The following EYS variants were observed in gnomAD, a reference collection of about 807,000 sequenced individuals.
The protein encoded by EYS is EGF-like photoreceptor maintenance factor, also known as protein eyes shut homolog.
Under a neutral mutation model 282.1 loss-of-function variants are expected in EYS, and 250 were observed. The ratio of observed to expected loss-of-function variants is 0.89; its 90% confidence interval spans 0.80 to 0.98. The LOEUF (loss-of-function observed/expected upper bound fraction) is 0.98, where lower values mean the gene tolerates loss of function less well. Ranked by LOEUF, EYS falls within the 50% of genes least tolerant of loss-of-function variation. The pLI is 0.00. For synonymous variants in EYS, 1,355 were observed against 1,282.9 expected (o/e 1.06, Z -1.20); for missense variants, 4,016 against 3,709.0 (o/e 1.08, Z -2.15).
chr6:64,263,861 A>G (rs1289512490), intron 30 of EYS, among the ~76,000 whole-genome samples: 1 of 152,170 alleles, frequency 6.6e-6, no homozygotes, highest in Non-Finnish European at 1.5e-5. Flanking sequence ...ACAAAGCAAC[A>G]TCTTCTCTCA....
intron 22 of EYS, among the ~76,000 whole-genome samples, chr6:64,787,666 T>A (rs2149998119): frequency 6.6e-6 from 1 of 150,406 alleles, no homozygotes; most frequent in Admixed American, 6.6e-5. Flanking sequence ...ATATTAAGAA[T>A]CAGATGTAAA....
chr6:64,577,166 G>A (rs1200429381), intron 26 of EYS, among the ~76,000 whole-genome samples: 1 of 152,088 alleles, frequency 6.6e-6, no homozygotes, highest in Non-Finnish European at 1.5e-5. Flanking sequence ...TTTTAGTACA[G>A]CTAGACTCCA....
At chr6:65,006,464 G>A (rs990071564) in intron 13 of EYS, among the ~76,000 whole-genome samples, 57 of 121,184 alleles carry the variant, frequency 4.7e-4, no homozygotes, top group African/African-American at 1.4e-3. Context: ...AGGAAACCTC[G>A]TTGTGAGCAC....
intron 26 of EYS, among the ~76,000 whole-genome samples, chr6:64,485,505 A>G (rs1776555052): frequency 6.6e-6 from 1 of 151,502 alleles, no homozygotes. Context: ...CTATTCATTG[A>G]TCCAAACCAA....
At chr6:63,887,061 A>G (rs1773277731) in intron 35 of EYS, among the ~76,000 whole-genome samples, 1 of 152,214 alleles carries the variant, frequency 6.6e-6, no homozygotes, top group African/African-American at 2.4e-5. Context: ...TTATTAGAAA[A>G]GCATGCAAAC....
chr6:63,976,016 A>G (rs1766819907), intron 35 of EYS, among the ~76,000 whole-genome samples: 1 of 152,032 alleles, frequency 6.6e-6, no homozygotes, highest in African/African-American at 2.4e-5. Flanking sequence ...GTACCAAAGC[A>G]TGTTCTGAAT....
chr6:64,894,295 T>C (rs952837515), intron 18 of EYS, among the ~76,000 whole-genome samples: 2 of 152,076 alleles, frequency 1.3e-5, no homozygotes, highest in African/African-American at 2.4e-5. Flanking sequence ...TTAATTACAA[T>C]AGATCTAAGA....
chr6:65,278,936 C>G (rs542876708), intron 12 of EYS, among the ~76,000 whole-genome samples: 8 of 152,160 alleles, frequency 5.3e-5, no homozygotes, highest in Non-Finnish European at 1.0e-4. Flanking sequence ...TGCTTGTAAT[C>G]CCAGCACTTT....
intron 12 of EYS, among the ~76,000 whole-genome samples, chr6:65,141,649 GTCTATCTATCTATCTATCTA>G (rs66790325): frequency 5.3e-5 from 7 of 131,252 alleles, no homozygotes; most frequent in African/African-American, 1.3e-4. Context: ...CTGTCTGTCT[GTCTATCTATCTATCTATCTA>G]TCTATCTATC....
intron 2 of EYS, among the ~76,000 whole-genome samples, chr6:65,553,265 C>T (rs1768667309): frequency 6.6e-6 from 1 of 152,096 alleles, no homozygotes; most frequent in Admixed American, 6.5e-5. Context: ...TAATCAGAAA[C>T]AGTTTAGAAA....
intron 34 of EYS, among the ~76,000 whole-genome samples, chr6:63,986,558 G>A (rs1767376365): frequency 6.6e-6 from 1 of 151,798 alleles, no homozygotes. Flanking sequence ...TAAAGAAAAT[G>A]TGGTACATAT....
intron 12 of EYS, among the ~76,000 whole-genome samples, chr6:65,178,263 G>GTTGCTCCC (rs1765277787): frequency 6.6e-6 from 1 of 151,908 alleles, no homozygotes. Context: ...TATCTTGCCT[G>GTTGCTCCC]TTGCTCCCTT....
chr6:65,321,027 G>A (rs2150305335), intron 11 of EYS, among the ~76,000 whole-genome samples: 1 of 152,244 alleles, frequency 6.6e-6, no homozygotes, highest in African/African-American at 2.4e-5. Context: ...GGATACCCTA[G>A]AAATATACTA....
At chr6:63,878,699 G>C (rs979283970) in intron 35 of EYS, among the ~76,000 whole-genome samples, 1 of 152,124 alleles carries the variant, frequency 6.6e-6, no homozygotes, top group Non-Finnish European at 1.5e-5. Flanking sequence ...CCCCACCCTT[G>C]CTGTCACCTC....
intron 30 of EYS, among the ~76,000 whole-genome samples, chr6:64,299,497 G>A (rs772539076): frequency 9.9e-5 from 15 of 152,190 alleles, no homozygotes; most frequent in South Asian, 2.1e-4. Context: ...ACGCTGCAAC[G>A]GACTGGTGAT....
At chr6:64,126,496 T>C (rs1304742974) in intron 31 of EYS, among the ~76,000 whole-genome samples, 2 of 152,052 alleles carry the variant, frequency 1.3e-5, no homozygotes, top group Non-Finnish European at 2.9e-5. Flanking sequence ...GTAGAAATGA[T>C]CACTCAGATA....
chr6:63,753,006 G>A (rs1184556112), intron 41 of EYS, among the ~76,000 whole-genome samples: 1 of 151,198 alleles, frequency 6.6e-6, no homozygotes, highest in Non-Finnish European at 1.5e-5. Flanking sequence ...GTCTTGTTTG[G>A]TCTTTTTTGA....
At chr6:63,725,791 T>A (rs1768591548) in intron 42 of EYS, among the ~76,000 whole-genome samples, 1 of 152,164 alleles carries the variant, frequency 6.6e-6, no homozygotes, top group African/African-American at 2.4e-5. Context: ...TTTTTGCTAA[T>A]GATGTGAAAT....
intron 36 of EYS, among the ~76,000 whole-genome samples, chr6:63,850,514 G>A (rs1270936406): frequency 6.6e-6 from 1 of 152,178 alleles, no homozygotes; most frequent in African/African-American, 2.4e-5. Context: ...AAGAAAGCGG[G>A]TGCCAATATT....
Sources: gnomAD v4.1 joint callset for allele counts (sites outside exome capture counted in the v4.1 genomes callset) on GRCh38, gnomAD v4.1.1 for gene constraint, MANE v1.5 for transcripts, NCBI Gene and HGNC (gene_info 2026-07-23, HGNC 2026-07-21) for gene names.